The following ITPR1 variants were observed in gnomAD, a reference collection of about 807,000 sequenced individuals.
The protein encoded by ITPR1 is inositol 1,4,5-trisphosphate receptor type 1, also known as inositol 1,4,5-trisphosphate-gated calcium channel ITPR1.
A neutral mutation model predicts 318.4 loss-of-function variants in ITPR1; 96 were observed. That is an observed-to-expected ratio of 0.30 (90% CI 0.26 to 0.36). The LOEUF (loss-of-function observed/expected upper bound fraction) is 0.36. Ranked by LOEUF, ITPR1 falls within the 10% of genes least tolerant of loss-of-function variation. The pLI, the probability that ITPR1 is intolerant of heterozygous loss-of-function variation, is 1.00. For synonymous variants in ITPR1, 1,312 were observed against 1,289.9 expected (o/e 1.02, Z -0.37); for missense variants, 2,440 against 3,460.2 (o/e 0.71, Z 7.40).
At chr3:4,766,440 G>C in intron 44 of ITPR1, 90 bp from the exon 45 acceptor site, 1 of 1,069,658 alleles carries the variant, frequency 9.3e-7, no homozygotes, top group East Asian at 2.4e-5. Flanking sequence ...TTTGCAACTG[G>C]CTCTGATCTT....
intron 4 of ITPR1, among the ~76,000 whole-genome samples, chr3:4,524,199 C>T (rs1174039329): frequency 1.3e-5 from 2 of 151,960 alleles, no homozygotes; most frequent in Admixed American, 6.6e-5. Flanking sequence ...TGCAGGCTGC[C>T]TCAGTGCTGG....
rs866164857 is a variant in ITPR1, at chr3:4,813,225, C to T, written c.7552C>T (p.Pro2518Ser). ...ESGENCSSPA[P>S]REELVPAEET... Reference sequence around the variant, plus strand: ...TGGGGAGAACTGCTCCTCTCCTGCACCCAGAGAAGGTAGGACCTCCTAACT... The same window carrying T: ...TGGGGAGAACTGCTCCTCTCCTGCATCCAGAGAAGGTAGGACCTCCTAACT... The change falls in exon 57 of 62, where the codon CCC becomes TCC. Residue 2518 changes from proline (P) to serine (S), a missense_variant. Coordinates refer to ENST00000649015, the MANE Select transcript of ITPR1 (RefSeq NM_001378452.1). The T allele has an allele frequency of 6.2e-7, 1 of 1,609,282 alleles. No individual in the cohort carries two copies. Among genetic ancestry groups the T allele is most frequent in the Admixed American group, 1.7e-5 (1 of 59,758 alleles).
At chr3:4,582,325 G>C (rs1015896079) in intron 4 of ITPR1, among the ~76,000 whole-genome samples, 2 of 152,172 alleles carry the variant, frequency 1.3e-5, no homozygotes, top group Non-Finnish European at 2.9e-5. Flanking sequence ...TGTTCCTACT[G>C]TGTCTGTAGG....
At chr3:4,563,876 A>G (rs570999156) in intron 4 of ITPR1, among the ~76,000 whole-genome samples, 2 of 152,282 alleles carry the variant, frequency 1.3e-5, no homozygotes, top group East Asian at 1.9e-4. Context: ...CACAAGCTGA[A>G]TGGCTTGAAC....
rs2125272834 is a variant in ITPR1, at chr3:4,706,240, C to T, written c.4731C>T (p.Ser1577=). 1 of 1,614,072 alleles carries T rather than the reference C, an allele frequency of 6.2e-7. No individual in the cohort carries two copies. Among genetic ancestry groups the T allele is most frequent in the Non-Finnish European group, 8.5e-7 (1 of 1,179,898 alleles). Residue 1577 remains serine, a synonymous_variant, in exon 37 of 62, where the codon AGC becomes AGT. Coordinates refer to ENST00000649015, the MANE Select transcript of ITPR1 (RefSeq NM_001378452.1). Reference sequence around the variant, plus strand: ...ACAACCTCTTTCTCAAGTCCCACAGCATTGTGCAGAAAACAGCCATGAACT... The same window carrying T: ...ACAACCTCTTTCTCAAGTCCCACAGTATTGTGCAGAAAACAGCCATGAACT... ...QVNNLFLKSH[S]IVQKTAMNWR... is the part of the protein sequence containing the mutation.
chr3:4,511,095 A>G (rs2081787592), intron 2 of ITPR1, among the ~76,000 whole-genome samples: 1 of 152,142 alleles, frequency 6.6e-6, no homozygotes. Context: ...GCTGTGGGAC[A>G]TGAGAGACAG....
chr3:4,548,264 C>CTTTCAAACATCAG (rs1448374060), intron 4 of ITPR1, among the ~76,000 whole-genome samples: 1 of 152,142 alleles, frequency 6.6e-6, no homozygotes, highest in African/African-American at 2.4e-5. Context: ...AGTTTTTCAC[C>CTTTCAAACATCAG]TTTGTACTGC....
Position 4,611,429 on chromosome 3 carries a change from A to T in ITPR1, c.164-16334A>T, listed in dbSNP as rs953034928. Among the ~76,000 whole-genome samples the T allele has an allele frequency of 9.2e-5, 14 of 151,774 alleles. 1 individual carries two copies. In the East Asian group the frequency reaches 2.5e-3, roughly 27 times the overall value. ...AGAGAATTTAGCTGGGCATGGTGGC[A>T]CGCACCTGTAATCCTAGCTACTTGG... On this transcript the variant is annotated intron_variant, in intron 4 of 61. Coordinates refer to ENST00000649015, the MANE Select transcript of ITPR1 (RefSeq NM_001378452.1).
chr3:4,763,391 GA>G (rs2045591139), intron 44 of ITPR1, among the ~76,000 whole-genome samples: 1 of 151,426 alleles, frequency 6.6e-6, no homozygotes. Flanking sequence ...TACTTGAACA[GA>G]ATAAAAAAAA....
chr3:4,780,266 G>T (rs1363185343), intron 49 of ITPR1, among the ~76,000 whole-genome samples: 1 of 152,172 alleles, frequency 6.6e-6, no homozygotes, highest in African/African-American at 2.4e-5. Flanking sequence ...CTCGTTTGCT[G>T]CTGGTATTTG....
At chr3:4,537,837 G>C (rs111445549) in intron 4 of ITPR1, among the ~76,000 whole-genome samples, 4 of 152,144 alleles carry the variant, frequency 2.6e-5, no homozygotes, top group African/African-American at 9.7e-5. Context: ...AAGCCACTAC[G>C]TTTTTGATTA....
intron 44 of ITPR1, among the ~76,000 whole-genome samples, chr3:4,764,138 A>ATG (rs2045647745): frequency 6.6e-6 from 1 of 152,166 alleles, no homozygotes; most frequent in Admixed American, 6.5e-5. Flanking sequence ...AGTCACCATA[A>ATG]TTAGGTGGCT....
chr3:4,584,018 C>A (rs1271690902), intron 4 of ITPR1, among the ~76,000 whole-genome samples: 1 of 152,098 alleles, frequency 6.6e-6, no homozygotes, highest in Non-Finnish European at 1.5e-5. Flanking sequence ...TTGCCTTTTC[C>A]CCAATTATCC....
chr3:4,806,993 A>G (rs60576957), intron 55 of ITPR1, among the ~76,000 whole-genome samples: 71 of 152,148 alleles, frequency 4.7e-4, no homozygotes, highest in African/African-American at 1.7e-3. Flanking sequence ...TGCAAGCAAC[A>G]CCATAAACAG....
At chr3:4,561,549 T>G (rs1402099050) in intron 4 of ITPR1, among the ~76,000 whole-genome samples, 2 of 152,168 alleles carry the variant, frequency 1.3e-5, no homozygotes, top group Non-Finnish European at 2.9e-5. Flanking sequence ...CTTACTTTTT[T>G]GGGTCCAATG....
At chr3:4,515,128 A>C (rs983824194) in intron 2 of ITPR1, among the ~76,000 whole-genome samples, 2 of 152,168 alleles carry the variant, frequency 1.3e-5, no homozygotes, top group Admixed American at 1.3e-4. Flanking sequence ...AGGGGAGGGA[A>C]GGGGATGACA....
chr3:4,535,442 ATTTTTTT>A (rs34152018), intron 4 of ITPR1, among the ~76,000 whole-genome samples: 57 of 100,994 alleles, frequency 5.6e-4, no homozygotes, highest in African/African-American at 2.1e-3. Flanking sequence ...TTTTTTTTTA[ATTTTTTT>A]TTTTTTTTTT....
At chr3:4,514,757 T>C (rs893450944) in intron 2 of ITPR1, among the ~76,000 whole-genome samples, 2 of 152,216 alleles carry the variant, frequency 1.3e-5, no homozygotes, top group African/African-American at 4.8e-5. Flanking sequence ...GTCTTAGAAG[T>C]ATGCTGACTT....
intron 4 of ITPR1, among the ~76,000 whole-genome samples, chr3:4,527,033 G>A (rs142293097): frequency 2.6e-5 from 4 of 152,280 alleles, no homozygotes; most frequent in Admixed American, 6.5e-5. Context: ...CTAATCTTTC[G>A]CTGTGCAGCA....
Sources: gnomAD v4.1 joint callset for allele counts (sites outside exome capture counted in the v4.1 genomes callset) on GRCh38, gnomAD v4.1.1 for gene constraint, MANE v1.5 for transcripts, NCBI Gene and HGNC (gene_info 2026-07-23, HGNC 2026-07-21) for gene names.